The following MACROD2 variants were observed in gnomAD, a reference collection of about 807,000 sequenced individuals.
The protein encoded by MACROD2 is mono-ADP ribosylhydrolase 2.
In MACROD2, 36 loss-of-function variants were observed where a neutral mutation model predicts 70.4. That is an observed-to-expected ratio of 0.51 (90% CI 0.39 to 0.68). MACROD2 has a LOEUF of 0.68. MACROD2 is among the 30% of genes least tolerant of loss of function. MACROD2 has a pLI of 0.00. For synonymous variants in MACROD2, 172 were observed against 178.8 expected (o/e 0.96, Z 0.30); for missense variants, 496 against 538.4 (o/e 0.92, Z 0.78).
intron 3 of MACROD2, among the ~76,000 whole-genome samples, chr20:14,482,150 C>T (rs188064771): frequency 6.6e-6 from 1 of 151,886 alleles, no homozygotes. Context: ...CCAAGCATTG[C>T]GTTAGGGTGA....
chr20:15,798,130 C>T (rs761262), intron 8 of MACROD2, among the ~76,000 whole-genome samples: 43,225 of 152,106 alleles, frequency 0.28, 6,618 homozygotes, highest in East Asian at 0.44. Flanking sequence ...GAAATTAATA[C>T]TGCATATTGT....
intron 3 of MACROD2, among the ~76,000 whole-genome samples, chr20:14,423,148 G>C (rs958794303): frequency 1.3e-5 from 2 of 152,234 alleles, no homozygotes; most frequent in Non-Finnish European, 2.9e-5. Context: ...ATGGGAACTG[G>C]AATGCTCTGG....
At chr20:14,285,766 T>G (rs1223179225) in intron 3 of MACROD2, among the ~76,000 whole-genome samples, 2 of 152,068 alleles carry the variant, frequency 1.3e-5, no homozygotes, top group Non-Finnish European at 2.9e-5. Flanking sequence ...GGTAATAGAT[T>G]GTGTTGAGAC....
intron 15 of MACROD2, among the ~76,000 whole-genome samples, chr20:15,995,671 A>ATTTTTTTTTTT (rs2066620884): frequency 4.9e-5 from 2 of 41,050 alleles, no homozygotes; most frequent in Admixed American, 2.3e-4. Context: ...TTTTTTTTTA[A>ATTTTTTTTTTT]CTTTTTAAGA....
intron 6 of MACROD2, among the ~76,000 whole-genome samples, chr20:15,349,628 C>T (rs1185406137): frequency 2.6e-5 from 4 of 151,932 alleles, no homozygotes; most frequent in African/African-American, 9.7e-5. Flanking sequence ...TGGGGGCACA[C>T]TCCTGTAATC....
chr20:14,911,670 G>A (rs1334254073), intron 5 of MACROD2, among the ~76,000 whole-genome samples: 1 of 151,968 alleles, frequency 6.6e-6, no homozygotes, highest in African/African-American at 2.4e-5. Flanking sequence ...ACCAGACCTG[G>A]CCAGGGTTCT....
intron 4 of MACROD2, among the ~76,000 whole-genome samples, 176 bp from the exon 5 acceptor site, chr20:14,684,667 C>T (rs906842476): frequency 2.0e-5 from 3 of 151,542 alleles, no homozygotes; most frequent in Admixed American, 6.6e-5. Context: ...CCCCGGCCCC[C>T]GCCAACACAC....
At chr20:14,833,939 C>G (rs2072999822) in intron 5 of MACROD2, among the ~76,000 whole-genome samples, 2 of 152,040 alleles carry the variant, frequency 1.3e-5, no homozygotes, top group East Asian at 3.9e-4. Context: ...TGATGAGGCT[C>G]TATTTTCTTA....
chr20:15,072,014 T>C lies in MACROD2; in HGVS notation c.419-157926T>C, dbSNP rs760005813. Among the ~76,000 whole-genome samples, 28 of 152,196 alleles carry C rather than the reference T, an allele frequency of 1.8e-4. 1 individual carries two copies. Among genetic ancestry groups the C allele is most frequent in the Non-Finnish European group, 3.5e-4 (24 of 68,004 alleles). ...TTTTGTAACTCAGAAAAACATAATG[T>C]AAGATTTCTCAAAATATATGATTTT... On this transcript the variant is annotated intron_variant, in intron 5 of 17. Coordinates refer to ENST00000684519, the MANE Select transcript of MACROD2 (RefSeq NM_001351661.2).
intron 5 of MACROD2, among the ~76,000 whole-genome samples, chr20:14,931,707 G>A (rs2074297054): frequency 6.6e-6 from 1 of 151,054 alleles, no homozygotes; most frequent in South Asian, 2.1e-4. Context: ...AAAAAACAAA[G>A]GGTCAGTCAG....
At chr20:14,010,877 C>T (rs2052893619) in intron 2 of MACROD2, among the ~76,000 whole-genome samples, 1 of 152,202 alleles carries the variant, frequency 6.6e-6, no homozygotes, top group Admixed American at 6.5e-5. Flanking sequence ...CCATGTGCAA[C>T]ATCTGGACAA....
chr20:15,943,437 C>G (rs1270076908), intron 12 of MACROD2, among the ~76,000 whole-genome samples: 1 of 152,156 alleles, frequency 6.6e-6, no homozygotes, highest in Non-Finnish European at 1.5e-5. Context: ...AGAGTGAGGA[C>G]AAGGCTGTCC....
At chr20:15,633,045 TTA>T (rs1275782747) in intron 8 of MACROD2, among the ~76,000 whole-genome samples, 4 of 152,312 alleles carry the variant, frequency 2.6e-5, no homozygotes, top group Admixed American at 2.0e-4. Flanking sequence ...CTTTCATTGT[TTA>T]ACTGAGTTAT....
At chr20:15,247,640 C>G (rs2077118088) in intron 6 of MACROD2, among the ~76,000 whole-genome samples, 1 of 151,994 alleles carries the variant, frequency 6.6e-6, no homozygotes, top group South Asian at 2.1e-4. Flanking sequence ...GGTTCATCTC[C>G]ATTACTCTGC....
At chr20:14,280,491 TAGA>T (rs995223910) in intron 3 of MACROD2, among the ~76,000 whole-genome samples, 1 of 152,154 alleles carries the variant, frequency 6.6e-6, no homozygotes, top group African/African-American at 2.4e-5. Context: ...GAATGCCACC[TAGA>T]AGAACTTTGT....
intron 1 of MACROD2, among the ~76,000 whole-genome samples, chr20:14,001,090 A>G (rs185925593): frequency 6.6e-6 from 1 of 152,348 alleles, no homozygotes; most frequent in East Asian, 1.9e-4. Context: ...AATGTAGTGT[A>G]GTACAGTGGA....
At chr20:14,327,572 AG>A in intron 3 of MACROD2, 1 of 1,496,588 alleles carries the variant, frequency 6.7e-7, no homozygotes, top group Non-Finnish European at 8.9e-7. Flanking sequence ...AAATGAAGTG[AG>A]TAAAAAAAGA....
intron 3 of MACROD2, among the ~76,000 whole-genome samples, chr20:14,196,289 A>G (rs1297650611): frequency 6.6e-6 from 1 of 152,202 alleles, no homozygotes; most frequent in African/African-American, 2.4e-5. Context: ...GCCACCCCAG[A>G]TAGATCTGTG....
At chr20:14,558,309 T>C (rs1193341450) in intron 4 of MACROD2, among the ~76,000 whole-genome samples, 1 of 151,694 alleles carries the variant, frequency 6.6e-6, no homozygotes, top group Non-Finnish European at 1.5e-5. Flanking sequence ...ACAAAAACCA[T>C]TTAATCGTGT....
Sources: gnomAD v4.1 joint callset for allele counts (sites outside exome capture counted in the v4.1 genomes callset) on GRCh38, gnomAD v4.1.1 for gene constraint, MANE v1.5 for transcripts, NCBI Gene and HGNC (gene_info 2026-07-23, HGNC 2026-07-21) for gene names.